The following MAP2K2 variants were observed in gnomAD, a reference collection of about 807,000 sequenced individuals.
The protein encoded by MAP2K2 is mitogen-activated protein kinase kinase 2.
Under a neutral mutation model 43.7 loss-of-function variants are expected in MAP2K2, and 24 were observed. The observed-to-expected ratio is 0.55, with a 90% CI of 0.40 to 0.77. The LOEUF is 0.77. Ranked by LOEUF, MAP2K2 falls within the 30% of genes least tolerant of loss-of-function variation. The pLI, the probability that MAP2K2 is intolerant of heterozygous loss-of-function variation, is 0.00. For synonymous variants in MAP2K2, 244 were observed against 239.7 expected (o/e 1.02, Z -0.17); for missense variants, 470 against 566.8 (o/e 0.83, Z 1.73).
chr19:4,109,632 C>G (rs1484995370), intron 3 of MAP2K2, among the ~76,000 whole-genome samples: 1 of 152,082 alleles, frequency 6.6e-6, no homozygotes, highest in Non-Finnish European at 1.5e-5. Context: ...GCACGTGCCA[C>G]CACACTCACC....
chr19:4,120,402 C>G (rs1474892258), intron 1 of MAP2K2, among the ~76,000 whole-genome samples: 1 of 152,236 alleles, frequency 6.6e-6, no homozygotes, highest in Non-Finnish European at 1.5e-5. Flanking sequence ...CAACCTCTGC[C>G]TCCTGGGTCC....
At chr19:4,109,423 C>T (rs1369723877) in intron 3 of MAP2K2, among the ~76,000 whole-genome samples, 3 of 152,150 alleles carry the variant, frequency 2.0e-5, no homozygotes, top group Non-Finnish European at 4.4e-5. Context: ...CTGAGAAGGC[C>T]ATTTAAAAAC....
intron 2 of MAP2K2, among the ~76,000 whole-genome samples, chr19:4,112,848 G>A (rs2041171962): frequency 6.6e-6 from 1 of 152,232 alleles, no homozygotes. Context: ...AGAGGTGCTG[G>A]TGCTCACTCC....
intron 1 of MAP2K2, among the ~76,000 whole-genome samples, chr19:4,121,650 C>T (rs1009040029): frequency 9.9e-6 from 1 of 101,386 alleles, no homozygotes; most frequent in Non-Finnish European, 2.0e-5. Flanking sequence ...ACCTGACCCC[C>T]CCCACAACAT....
Position 4,097,283 on chromosome 19 carries a change from T to C in MAP2K2, c.980A>G (p.Asn327Ser). 6.2e-7 allele frequency: 1 copy of C among 1,610,412 alleles called. No individual in the cohort carries two copies. Among genetic ancestry groups the C allele is most frequent in the Non-Finnish European group, 8.5e-7 (1 of 1,178,890 alleles). Reference protein sequence around the residue: ...AIFELLDYIVNEPPPKLPNGV... With the variant: ...AIFELLDYIVSEPPPKLPNGV... ...CAAAAGGCATCAAGCACAAACCTCG[T>C]TCACAATATAGTCCAGGAGTTCAAA... The change falls in exon 8 of 11, where the codon AAC (asparagine) becomes AGC (serine). Residue 327 changes from asparagine to serine, a missense_variant. Around this residue, in one of 3 missense-constraint regions of MAP2K2, gnomAD observed 212 missense variants for 220.8 expected, o/e 0.96. Transcript: ENST00000262948.
intron 8 of MAP2K2, 62 bp downstream of exon 8, chr19:4,097,217 A>AG: frequency 1.7e-6 from 2 of 1,193,676 alleles, no homozygotes; most frequent in Non-Finnish European, 1.2e-6. Context: ...AAAAAAAAAA[A>AG]AAAAAAAAAA....
intron 1 of MAP2K2, among the ~76,000 whole-genome samples, chr19:4,120,848 C>T (rs10407945): frequency 0.2 from 30,207 of 152,048 alleles, 3,449 homozygotes; most frequent in South Asian, 0.31. Context: ...ATGTGAAGGG[C>T]GAGTTCTGTG....
intron 1 of MAP2K2, among the ~76,000 whole-genome samples, chr19:4,122,743 C>T (rs1358703011): frequency 3.3e-5 from 5 of 151,228 alleles, no homozygotes; most frequent in African/African-American, 1.2e-4. Flanking sequence ...ACCATCTCCC[C>T]GATTTCACTA....
At chr19:4,118,233 C>T (rs946730455) in intron 1 of MAP2K2, among the ~76,000 whole-genome samples, 10 of 152,196 alleles carry the variant, frequency 6.6e-5, no homozygotes, top group Admixed American at 2.0e-4. Context: ...CCATTGCACG[C>T]GGCCGGGAGA....
At position 4,123,827 on chromosome 19, in the gene MAP2K2, T is replaced by G. The variant is rs397517415; in HGVS notation, c.49A>C (p.Thr17Pro). The G allele has an allele frequency of 6.4e-7, 1 of 1,563,756 alleles. No individual in the cohort carries two copies. Among genetic ancestry groups the G allele is most frequent in the South Asian group, 1.2e-5 (1 of 85,058 alleles). Residue 17 changes from threonine (T) to proline (P), a missense_variant, in exon 1 of 11, where the codon ACC (threonine) becomes CCC (proline). Physicochemically the swap from Thr to Pro is conservative, Grantham distance 38 (BLOSUM62 -1). Coordinates refer to ENST00000262948, the MANE Select transcript of MAP2K2 (RefSeq NM_030662.4). ...GTAGGGGATGGGCCCTCGGCGATGG[T>G]AGGGTTGATGGTGAGCGCCGGCAGC... ...PVLPALTINP[T>P]IAEGPSPTSE... is the part of the protein sequence containing the mutation.
intron 4 of MAP2K2, among the ~76,000 whole-genome samples, chr19:4,102,096 C>T (rs371108361): frequency 6.6e-6 from 1 of 152,192 alleles, no homozygotes; most frequent in Non-Finnish European, 1.5e-5. Context: ...CAACATCCCC[C>T]TGCCACGAGG....
At chr19:4,097,904 T>G (rs2145047546) in intron 7 of MAP2K2, among the ~76,000 whole-genome samples, 1 of 152,230 alleles carries the variant, frequency 6.6e-6, no homozygotes, top group Admixed American at 6.5e-5. Context: ...GTATACCACC[T>G]GAGAGTTGGG....
At chr19:4,098,736 T>G (rs2040956913) in intron 7 of MAP2K2, among the ~76,000 whole-genome samples, 1 of 152,176 alleles carries the variant, frequency 6.6e-6, no homozygotes, top group Non-Finnish European at 1.5e-5. Context: ...CTGTGTGTGT[T>G]GGGGCCGGAG....
intron 6 of MAP2K2, 36 bp from the exon 7 acceptor site, chr19:4,099,450 G>A (rs2145050720): frequency 6.5e-7 from 1 of 1,539,326 alleles, no homozygotes; most frequent in South Asian, 1.2e-5. Context: ...GCCCAGAGGG[G>A]CGAGGATGGC....
In MAP2K2 at chr19:4,101,517, G is replaced by A. The variant is rs550505442; in HGVS notation, c.529-237C>T. The stretch of plus-strand genomic sequence containing the variant: ...CGGTTCCCATGGCCGCAGTGCCGCC[G>A]ATGCCACTACTGCCTTTGATTCAGA... On this transcript the variant is annotated intron_variant, in intron 4 of 10. Coordinates refer to ENST00000262948, the MANE Select transcript of MAP2K2 (RefSeq NM_030662.4). The surrounding 1 kb of genome is among the most constrained non-coding windows in gnomAD (Gnocchi z 6.3). Among the ~76,000 whole-genome samples, 124 of 152,332 alleles carry A rather than the reference G, an allele frequency of 8.1e-4. No homozygotes were observed. Among genetic ancestry groups the A allele is most frequent in the African/African-American group, 2.7e-3 (113 of 41,568 alleles).
Position 4,117,505 on chromosome 19 carries a change from C to A in MAP2K2, c.217G>T (p.Glu73Ter). The A allele has an allele frequency of 6.2e-7, 1 of 1,614,180 alleles. No homozygotes were observed. The highest frequency in any genetic ancestry group is 8.5e-7 in the Non-Finnish European group (1 of 1,180,040). ...CCCGCGCCCAGCTCTGAGATCCTTT[C>A]GAAGTCATCGTCTTTGAGTTCGCCG... ...KVGELKDDDF[E>*]RISELGAGNG... is the part of the protein sequence containing the mutation. The change falls in exon 2 of 11, where the codon GAA (glutamate) becomes TAA (stop). Residue 73 changes from glutamate to a stop codon, truncating the protein, a stop_gained. Coordinates refer to ENST00000262948, the MANE Select transcript of MAP2K2 (RefSeq NM_030662.4). LOFTEE classifies it high-confidence loss of function.
At chr19:4,103,404 G>A (rs916823419) in intron 3 of MAP2K2, 13 of 256,634 alleles carry the variant, frequency 5.1e-5, no homozygotes, top group South Asian at 2.9e-4. Flanking sequence ...CAGAGGCTCC[G>A]GACACACCTG....
chr19:4,120,282 A>G (rs540299970), intron 1 of MAP2K2, among the ~76,000 whole-genome samples: 41 of 152,306 alleles, frequency 2.7e-4, no homozygotes, highest in African/African-American at 9.1e-4. Flanking sequence ...GGAGGGGAAC[A>G]TGAATGAATG....
intron 3 of MAP2K2, among the ~76,000 whole-genome samples, chr19:4,104,261 C>T (rs528180367): frequency 7.1e-4 from 76 of 107,206 alleles, no homozygotes; most frequent in African/African-American, 3.0e-3. Context: ...CAAGACTCCT[C>T]AATTAAAAAA....
Sources: gnomAD v4.1 joint callset for allele counts (sites outside exome capture counted in the v4.1 genomes callset) on GRCh38, gnomAD v4.1.1 for gene constraint, gnomAD v4.1.1 regional missense constraint, Gnocchi (gnomAD v3.1) non-coding constraint, MANE v1.5 for transcripts, NCBI Gene and HGNC (gene_info 2026-07-23, HGNC 2026-07-21) for gene names.